Variants in TUSC3 observed in about 807,000 individuals in gnomAD.
TUSC3 encodes the protein dolichyl-diphosphooligosaccharide--protein glycosyltransferase subunit TUSC3.
In TUSC3, 45 loss-of-function variants were observed where a neutral mutation model predicts 44.8. The observed-to-expected ratio is 1.00, with a 90% CI of 0.79 to 1.29. The LOEUF (loss-of-function observed/expected upper bound fraction) is 1.29. TUSC3 is among the 50% of genes most tolerant of loss of function. The pLI, the probability that TUSC3 is intolerant of heterozygous loss-of-function variation, is 0.00. For synonymous variants in TUSC3, 212 were observed against 152.9 expected (o/e 1.39, Z -2.85); for missense variants, 519 against 437.9 (o/e 1.19, Z -1.65).
intron 1 of TUSC3, among the ~76,000 whole-genome samples, chr8:15,547,181 T>C (rs1220041179): frequency 6.6e-6 from 1 of 151,678 alleles, no homozygotes; most frequent in African/African-American, 2.4e-5. Flanking sequence ...GTACCTATAA[T>C]GTAATGGAAA....
chr8:15,742,778 A>G (rs557821949), intron 7 of TUSC3, among the ~76,000 whole-genome samples: 3 of 152,346 alleles, frequency 2.0e-5, no homozygotes, highest in Middle Eastern at 3.4e-3. Context: ...TTCAGAATTG[A>G]TGAGTTCTAA....
At chr8:15,465,908 C>T (rs1256914375) in intron 1 of TUSC3, among the ~76,000 whole-genome samples, 1 of 152,102 alleles carries the variant, frequency 6.6e-6, no homozygotes, top group Non-Finnish European at 1.5e-5. Flanking sequence ...ATCAACTTAG[C>T]GGTCCCTAGT....
chr8:15,771,902 C>CA, the TUSC3 span, among the ~76,000 whole-genome samples: 1 of 152,028 alleles, frequency 6.6e-6, no homozygotes, highest in African/African-American at 2.4e-5. Flanking sequence ...TCCTGGCTAA[C>CA]ACGGTGAAAC....
At chr8:15,700,493 A>C (rs974893939) in intron 6 of TUSC3, among the ~76,000 whole-genome samples, 1 of 152,184 alleles carries the variant, frequency 6.6e-6, no homozygotes, top group Non-Finnish European at 1.5e-5. Context: ...ATTGTAGGAA[A>C]AAAATTAAAT....
At chr8:15,738,911 C>G (rs1811061729) in intron 7 of TUSC3, among the ~76,000 whole-genome samples, 4 of 140,368 alleles carry the variant, frequency 2.8e-5, no homozygotes, top group Admixed American at 7.9e-5. Flanking sequence ...CGGCTCACTG[C>G]AACCTCTGCC....
intron 6 of TUSC3, among the ~76,000 whole-genome samples, chr8:15,680,849 T>C (rs1585223171): frequency 6.6e-6 from 1 of 152,290 alleles, no homozygotes; most frequent in Non-Finnish European, 1.5e-5. Context: ...GATATGGTTT[T>C]GTTTTTAATT....
chr8:15,467,343 A>G (rs1203100826), intron 1 of TUSC3, among the ~76,000 whole-genome samples: 4 of 151,942 alleles, frequency 2.6e-5, no homozygotes, highest in East Asian at 1.9e-4. Context: ...ATCCTCCTAC[A>G]TCTTGAACTC....
chr8:15,644,579 C>G (rs1458002733), intron 2 of TUSC3, among the ~76,000 whole-genome samples: 1 of 152,034 alleles, frequency 6.6e-6, no homozygotes, highest in Admixed American at 6.6e-5. Flanking sequence ...CTTTATCTGT[C>G]ATTAGTTAGG....
the TUSC3 span, among the ~76,000 whole-genome samples, chr8:15,830,397 T>A: frequency 2.6e-5 from 4 of 152,286 alleles, no homozygotes; most frequent in African/African-American, 9.6e-5. Flanking sequence ...GGTTTTCTTC[T>A]GGGAATTTTT....
chr8:15,795,891 AC>A, the TUSC3 span, among the ~76,000 whole-genome samples: 1 of 152,046 alleles, frequency 6.6e-6, no homozygotes, highest in Non-Finnish European at 1.5e-5. Flanking sequence ...GCATTTGTCT[AC>A]CCCCCAGAAT....
At chr8:15,460,571 G>C (rs185458680) in intron 1 of TUSC3, among the ~76,000 whole-genome samples, 4 of 152,182 alleles carry the variant, frequency 2.6e-5, no homozygotes, top group East Asian at 3.9e-4. Flanking sequence ...TATTCCATTT[G>C]CTTTTGGGTT....
At chr8:15,529,046 C>G (rs962809907) in intron 2 of TUSC3, among the ~76,000 whole-genome samples, 1 of 152,170 alleles carries the variant, frequency 6.6e-6, no homozygotes, top group Admixed American at 6.5e-5. Context: ...TTTCCTGATA[C>G]ATAGAACATG....
At chr8:15,781,959 C>T in the TUSC3 span, among the ~76,000 whole-genome samples, 1 of 152,152 alleles carries the variant, frequency 6.6e-6, no homozygotes, top group Non-Finnish European at 1.5e-5. Context: ...ATGGCAAAAG[C>T]CAGTCTCTAC....
At chr8:15,679,679 C>G (rs1341070718) in intron 6 of TUSC3, among the ~76,000 whole-genome samples, 1 of 152,056 alleles carries the variant, frequency 6.6e-6, no homozygotes, top group Non-Finnish European at 1.5e-5. Flanking sequence ...ATGCCAGTGT[C>G]CAAAAGGATA....
the TUSC3 span, among the ~76,000 whole-genome samples, chr8:15,795,786 C>T: frequency 6.6e-6 from 1 of 152,314 alleles, no homozygotes; most frequent in South Asian, 2.1e-4. Flanking sequence ...TAAGCCCTGG[C>T]ATTTCCAGAT....
chr8:15,737,519 CTG>C (rs753249784), intron 7 of TUSC3, among the ~76,000 whole-genome samples: 9 of 152,102 alleles, frequency 5.9e-5, no homozygotes, highest in African/African-American at 1.2e-4. Flanking sequence ...AGCAAAGAAA[CTG>C]GAGTGTGCAC....
At chr8:15,438,600 G>C (rs970721042) in intron 1 of TUSC3, among the ~76,000 whole-genome samples, 1 of 152,172 alleles carries the variant, frequency 6.6e-6, no homozygotes, top group Non-Finnish European at 1.5e-5. Flanking sequence ...GACCACCTTT[G>C]CTCAGCAAAG....
At chr8:15,801,172 C>T in the TUSC3 span, among the ~76,000 whole-genome samples, 1 of 152,184 alleles carries the variant, frequency 6.6e-6, no homozygotes, top group Non-Finnish European at 1.5e-5. Context: ...ATGGTTATTT[C>T]TTGATTATAT....
intron 1 of TUSC3, among the ~76,000 whole-genome samples, chr8:15,553,132 T>C (rs532823230): frequency 6.6e-6 from 1 of 151,826 alleles, no homozygotes; most frequent in East Asian, 2.0e-4. Flanking sequence ...TGTTTGAGAA[T>C]GTATGAGATG....
Sources: gnomAD v4.1 joint callset for allele counts (sites outside exome capture counted in the v4.1 genomes callset) on GRCh38, gnomAD v4.1.1 for gene constraint, MANE v1.5 for transcripts, NCBI Gene and HGNC (gene_info 2026-07-23, HGNC 2026-07-21) for gene names.